The following DLGAP2 variants were observed in gnomAD, a reference collection of about 807,000 sequenced individuals.
DLGAP2 encodes DLG associated protein 2, also known as disks large-associated protein 2.
A neutral mutation model predicts 100.3 loss-of-function variants in DLGAP2; 26 were observed. The observed-to-expected ratio is 0.26, with a 90% CI of 0.19 to 0.36. The LOEUF (loss-of-function observed/expected upper bound fraction) is 0.36. DLGAP2 is among the 10% of genes least tolerant of loss of function. The pLI is 1.00. For synonymous variants in DLGAP2, 886 were observed against 630.1 expected (o/e 1.41, Z -6.08); for missense variants, 1,858 against 1,453.2 (o/e 1.28, Z -4.53).
intron 3 of DLGAP2, among the ~76,000 whole-genome samples, chr8:1,484,429 G>T (rs1335549309): frequency 6.6e-6 from 1 of 152,252 alleles, no homozygotes; most frequent in South Asian, 2.1e-4. Context: ...AAGGGAAATT[G>T]GAAACCTTCT....
chr8:1,044,704 T>G (rs1286952935), intron 2 of DLGAP2, among the ~76,000 whole-genome samples: 1 of 152,202 alleles, frequency 6.6e-6, no homozygotes, highest in Non-Finnish European at 1.5e-5. Context: ...GAGGAAAGTT[T>G]CTGCTGAGCT....
At chr8:1,164,524 C>CT (rs1172991838) in intron 2 of DLGAP2, among the ~76,000 whole-genome samples, 3 of 152,144 alleles carry the variant, frequency 2.0e-5, no homozygotes, top group African/African-American at 7.2e-5. Context: ...CGTGTGGGAA[C>CT]TTTCCTCCCT....
intron 6 of DLGAP2, among the ~76,000 whole-genome samples, chr8:1,583,261 G>C (rs1796004936): frequency 6.6e-6 from 1 of 152,218 alleles, no homozygotes; most frequent in Admixed American, 6.5e-5. Flanking sequence ...CATGGGTTGG[G>C]TGAGGTGATC....
At chr8:866,156 G>A (rs1797490346) in intron 1 of DLGAP2, among the ~76,000 whole-genome samples, 2 of 152,202 alleles carry the variant, frequency 1.3e-5, no homozygotes, top group African/African-American at 2.4e-5. Flanking sequence ...ACGGTTGGCC[G>A]GGGCCCTCGG....
At chr8:946,029 T>C (rs1369796454) in intron 2 of DLGAP2, among the ~76,000 whole-genome samples, 1 of 152,126 alleles carries the variant, frequency 6.6e-6, no homozygotes, top group Non-Finnish European at 1.5e-5. Flanking sequence ...TGAACTCCTT[T>C]GCTCCTGAAT....
intron 2 of DLGAP2, among the ~76,000 whole-genome samples, chr8:1,105,496 G>C (rs566104878): frequency 6.6e-6 from 1 of 152,278 alleles, no homozygotes; most frequent in African/African-American, 2.4e-5. Context: ...ATGCAGGGAG[G>C]GGGTAGCCAT....
intron 1 of DLGAP2, among the ~76,000 whole-genome samples, chr8:742,490 C>A (rs1350416904): frequency 6.6e-6 from 1 of 152,102 alleles, no homozygotes; most frequent in Non-Finnish European, 1.5e-5. Context: ...GAATGTTTGT[C>A]CTGTGACTTT....
chr8:1,210,584 C>G (rs1562926), intron 2 of DLGAP2, among the ~76,000 whole-genome samples: 56 of 152,108 alleles, frequency 3.7e-4, no homozygotes, highest in African/African-American at 1.2e-3. Flanking sequence ...AGAAGTTTCT[C>G]TGGCAGGTGG....
chr8:1,615,269 G>C (rs1458354552), intron 6 of DLGAP2, among the ~76,000 whole-genome samples: 2 of 152,152 alleles, frequency 1.3e-5, no homozygotes, highest in African/African-American at 4.8e-5. Flanking sequence ...AGCCTCCCCA[G>C]GCCCACCCCA....
intron 2 of DLGAP2, among the ~76,000 whole-genome samples, chr8:1,212,846 T>C (rs1361740799): frequency 6.8e-6 from 1 of 146,802 alleles, no homozygotes; most frequent in African/African-American, 2.5e-5. Flanking sequence ...GACATGTATA[T>C]GTACTCATCT....
intron 1 of DLGAP2, among the ~76,000 whole-genome samples, chr8:770,487 G>A (rs1467386579): frequency 1.3e-5 from 2 of 152,162 alleles, no homozygotes; most frequent in Non-Finnish European, 2.9e-5. Context: ...GTTGTTCACT[G>A]CAGGAAGCCA....
chr8:1,492,496 C>T (rs531464656), intron 3 of DLGAP2, among the ~76,000 whole-genome samples: 2 of 152,338 alleles, frequency 1.3e-5, no homozygotes, highest in South Asian at 2.1e-4. Flanking sequence ...TTCTGCTGAG[C>T]GTTCCCTGTG....
intron 3 of DLGAP2, among the ~76,000 whole-genome samples, chr8:1,467,544 G>A (rs895364610): frequency 3.3e-5 from 5 of 152,134 alleles, no homozygotes; most frequent in East Asian, 1.9e-4. Context: ...ACAAGCTGGC[G>A]TTTGCTGAGT....
chr8:1,165,072 C>T (rs754260177), intron 2 of DLGAP2, among the ~76,000 whole-genome samples: 12 of 151,610 alleles, frequency 7.9e-5, no homozygotes, highest in Non-Finnish European at 1.5e-4. Context: ...CCCTCTGGGC[C>T]GCTCCAGATG....
intron 2 of DLGAP2, among the ~76,000 whole-genome samples, chr8:995,604 C>T (rs745617494): frequency 1.3e-5 from 2 of 152,276 alleles, no homozygotes; most frequent in South Asian, 4.1e-4. Flanking sequence ...GAAGAATCTC[C>T]CCTGTCCCCC....
intron 1 of DLGAP2, among the ~76,000 whole-genome samples, chr8:856,443 C>T (rs1297062742): frequency 6.6e-6 from 1 of 152,062 alleles, no homozygotes; most frequent in Non-Finnish European, 1.5e-5. Context: ...CCACCTCGGC[C>T]TCCCATAGTG....
At chr8:1,465,751 A>G (rs1308585348) in intron 3 of DLGAP2, among the ~76,000 whole-genome samples, 1 of 152,222 alleles carries the variant, frequency 6.6e-6, no homozygotes, top group Non-Finnish European at 1.5e-5. Context: ...TAGCAGACCA[A>G]GGGTGGAAAC....
At chr8:1,353,575 C>A (rs188953605) in intron 3 of DLGAP2, among the ~76,000 whole-genome samples, 3 of 152,220 alleles carry the variant, frequency 2.0e-5, no homozygotes, top group Non-Finnish European at 4.4e-5. Flanking sequence ...TTTTGACTTA[C>A]AATGCTTTCC....
rs1291691014 is a variant in DLGAP2, at chr8:795,819, G to C, written c.18+57994G>C. ...GAGAACAGGCGTCCGGTGAGAGCAGGCGTCCGGTGAGAGCAGCTGTCCGGT... is the reference window on the plus strand; with the variant it reads ...GAGAACAGGCGTCCGGTGAGAGCAGCCGTCCGGTGAGAGCAGCTGTCCGGT... On this transcript the variant is annotated intron_variant, in intron 1 of 14. Coordinates refer to ENST00000637795, the MANE Select transcript of DLGAP2 (RefSeq NM_001346810.2). 1.4e-4 allele frequency among the ~76,000 whole-genome samples: 20 copies of C among 140,962 alleles called. 2 individuals are homozygous for C. The highest frequency in any genetic ancestry group is 5.1e-4 in the African/African-American group (19 of 37,104). 92.5% of individuals were successfully genotyped at this position (140,962 alleles called of 152,430 possible).
Sources: gnomAD v4.1 joint callset for allele counts (sites outside exome capture counted in the v4.1 genomes callset) on GRCh38, gnomAD v4.1.1 for gene constraint, MANE v1.5 for transcripts, NCBI Gene and HGNC (gene_info 2026-07-23, HGNC 2026-07-21) for gene names.